Variants in AFM observed in about 807,000 individuals in gnomAD.
AFM encodes afamin.
Under a neutral mutation model 68.7 loss-of-function variants are expected in AFM, and 82 were observed. That is an observed-to-expected ratio of 1.19 (90% CI 1.00 to 1.43). The LOEUF (loss-of-function observed/expected upper bound fraction) is 1.43. Ranked by LOEUF, AFM falls within the 40% of genes most tolerant of loss-of-function variation. AFM has a pLI of 0.00. For missense variants in AFM, 772 were observed against 701.8 expected (o/e 1.10, Z -1.13); for synonymous variants, 250 against 234.2 (o/e 1.07, Z -0.61).
chr4:73,501,080 A>G (rs1466271867), intron 12 of AFM, among the ~76,000 whole-genome samples: 1 of 152,116 alleles, frequency 6.6e-6, no homozygotes, highest in Non-Finnish European at 1.5e-5. Flanking sequence ...TGTACTCTAA[A>G]ATGTACTTTT....
At chr4:73,500,352 C>T in intron 12 of AFM, 125 bp downstream of exon 12, 2 of 841,454 alleles carry the variant, frequency 2.4e-6, no homozygotes, top group Non-Finnish European at 3.6e-6. Flanking sequence ...ACCAAATTGT[C>T]CAGTCTCTTC....
chr4:73,482,767 C>A (rs1250540293), intron 1 of AFM, among the ~76,000 whole-genome samples: 2 of 152,136 alleles, frequency 1.3e-5, no homozygotes, highest in East Asian at 3.8e-4. Flanking sequence ...TCCCATCCAC[C>A]CTTCTTTTGC....
At chr4:73,488,526 G>T in intron 6 of AFM, 104 bp from the exon 7 acceptor site, 1 of 973,692 alleles carries the variant, frequency 1.0e-6, no homozygotes, top group Non-Finnish European at 1.5e-6. Flanking sequence ...AACAGCAATG[G>T]TGGCAATACT....
At position 73,495,338 on chromosome 4, in the gene AFM, C is replaced by T; in HGVS notation, c.1097C>T (p.Ser366Phe). 6.2e-7 allele frequency: 1 copy of T among 1,612,074 alleles called. No homozygotes were observed. ...TACTCAAGGAGACATCCAGACCTGT[C>T]TATACCAGAGCTTTTAAGAATTGTT... ...FEYSRRHPDLSIPELLRIVQI... is the reference protein window; with the variant it reads ...FEYSRRHPDLFIPELLRIVQI... Residue 366 changes from serine (S) to phenylalanine (F), a missense_variant, in exon 9 of 15, where the codon TCT becomes TTT. Ser to Phe is a radical substitution (Grantham distance 155). Coordinates refer to ENST00000226355, the MANE Select transcript of AFM (RefSeq NM_001133.2).
intron 1 of AFM, among the ~76,000 whole-genome samples, chr4:73,482,174 T>C (rs945370850): frequency 6.6e-6 from 1 of 152,234 alleles, no homozygotes; most frequent in African/African-American, 2.4e-5. Flanking sequence ...CATATATGTA[T>C]AGTTTATGGT....
intron 10 of AFM, 34 bp downstream of exon 10, chr4:73,497,783 C>A: frequency 1.5e-6 from 2 of 1,329,784 alleles, no homozygotes; most frequent in South Asian, 1.3e-5. Flanking sequence ...TAACACTTGC[C>A]ACTAGAATTG....
intron 4 of AFM, 92 bp downstream of exon 4, chr4:73,486,165 T>C (rs1720897707): frequency 9.5e-7 from 1 of 1,052,612 alleles, no homozygotes; most frequent in Non-Finnish European, 1.4e-6. Context: ...GCTGGGTTCA[T>C]TAATTTATTG....
intron 11 of AFM, 98 bp downstream of exon 11, chr4:73,499,344 C>A (rs1721355201): frequency 8.3e-7 from 1 of 1,210,010 alleles, no homozygotes; most frequent in African/African-American, 1.6e-5. Flanking sequence ...ATATTCCTTT[C>A]TTCACTGTTT....
At position 73,499,169 on chromosome 4, in the gene AFM, T is replaced by G. The variant is rs1721343897; in HGVS notation, c.1345T>G (p.Ser449Ala). 1 of 1,613,320 alleles carries G rather than the reference T, an allele frequency of 6.2e-7. No homozygotes were observed. The highest frequency in any genetic ancestry group is 1.1e-5 in the South Asian group (1 of 91,016). The change falls in exon 11 of 15, where the codon TCT becomes GCT. Residue 449 changes from serine to alanine, a missense_variant. Coordinates refer to ENST00000226355, the MANE Select transcript of AFM (RefSeq NM_001133.2). ...APQLSTEELV[S>A]LGEKMVTAFT... The stretch of plus-strand genomic sequence containing the variant: ...CCAACTCTCCACTGAAGAACTGGTG[T>G]CTCTTGGCGAGAAAATGGTGACAGC...
intron 9 of AFM, among the ~76,000 whole-genome samples, chr4:73,496,889 AT>A (rs892972445): frequency 1.1e-4 from 17 of 151,970 alleles, no homozygotes; most frequent in Non-Finnish European, 2.5e-4. Context: ...TTAGCAAAAC[AT>A]TTTTTTTCAC....
rs1292068159 is a variant in AFM at position 73,490,084 on chromosome 4, T to G, written c.843+1325T>G. Reference sequence around the variant, plus strand: ...ACCTGTAATTGCAGCTACTCAGGACTCAGGAAGCTAAGGAGGGAGGCTTGC... The same window carrying G: ...ACCTGTAATTGCAGCTACTCAGGACGCAGGAAGCTAAGGAGGGAGGCTTGC... On this transcript the variant is annotated intron_variant, in intron 7 of 14. Coordinates refer to ENST00000226355, the MANE Select transcript of AFM (RefSeq NM_001133.2). Among the ~76,000 whole-genome samples, 5 of 151,558 alleles carry G rather than the reference T, an allele frequency of 3.3e-5. No homozygotes were observed. The East Asian group carries it at 9.7e-4, about 29-fold the overall frequency.
intron 3 of AFM, 86 bp downstream of exon 3, chr4:73,484,476 T>G: frequency 1.6e-6 from 1 of 615,900 alleles, no homozygotes; most frequent in Admixed American, 3.9e-5. Flanking sequence ...CTTTCTTTCT[T>G]TCTTTCTTTC....
intron 5 of AFM, among the ~76,000 whole-genome samples, 181 bp downstream of exon 5, chr4:73,487,280 T>C (rs146193180): frequency 1.1e-4 from 17 of 152,234 alleles, no homozygotes; most frequent in Non-Finnish European, 2.5e-4. Context: ...TACTTGAGAC[T>C]CTTGAATGAC....
chr4:73,485,489 A>G lies in AFM; in HGVS notation c.271-373A>G, dbSNP rs565433102. ...GGATCACTTGAGCCCAGGAGTTCGA[A>G]TCTAGCCTGCACAACATATCAAGAT... On this transcript the variant is annotated intron_variant, in intron 3 of 14. Transcript: ENST00000226355. 1.2e-4 allele frequency among the ~76,000 whole-genome samples: 19 copies of G among 152,112 alleles called. No individual in the cohort carries two copies. In the South Asian group the frequency reaches 2.7e-3, roughly 22 times the overall value.
At chr4:73,498,867 G>A (rs112073777) in intron 10 of AFM, among the ~76,000 whole-genome samples, 49 of 152,174 alleles carry the variant, frequency 3.2e-4, no homozygotes, top group African/African-American at 1.1e-3. Context: ...AAGATAACAC[G>A]GGGAGGCAAA....
chr4:73,491,861 A>T lies in AFM; in HGVS notation c.844-11A>T. The T allele has an allele frequency of 6.2e-7, 1 of 1,605,322 alleles. No individual in the cohort carries two copies. On this transcript the variant is annotated splice_polypyrimidine_tract_variant and intron_variant, in intron 7 of 14. Transcript: ENST00000226355. ...GAAAGTAAAATAATCTCTCATTCTT[A>T]TTTGGTACAGAGCAAGGTTATGAAC...
chr4:73,484,336 A>G lies in AFM; in HGVS notation c.216A>G (p.Glu72=). 8.1e-6 allele frequency: 13 copies of G among 1,613,208 alleles called. No homozygotes were observed. Among genetic ancestry groups the G allele is most frequent in the Non-Finnish European group, 1.1e-5 (13 of 1,179,672 alleles). The change falls in exon 3 of 15, where the codon GAA becomes GAG. Residue 72 remains glutamate (E), a synonymous_variant. Transcript: ENST00000226355. ...AAAAGCTGGTGAAAGACATGGTAGA[A>G]TACAAAGACAGATGTATGGCTGACA... The part of the protein sequence containing the change: ...EMEKLVKDMV[E]YKDRCMADKT...
At chr4:73,485,805 T>C in intron 3 of AFM, 57 bp from the exon 4 acceptor site, 1 of 1,399,502 alleles carries the variant, frequency 7.1e-7, no homozygotes, top group Non-Finnish European at 1.0e-6. Context: ...TCTCAGTGAG[T>C]ACAGAAGCTT....
chr4:73,484,493 T>TCTTCCTTC (rs1720826264), intron 3 of AFM, 103 bp downstream of exon 3: 5 of 825,150 alleles, frequency 6.1e-6, no homozygotes, highest in Non-Finnish European at 8.7e-6. Flanking sequence ...TTTCTTTCTT[T>TCTTCCTTC]CTTTCTTTCT....
Sources: allele counts gnomAD v4.1 joint callset (sites outside exome capture counted in the v4.1 genomes callset), GRCh38; gene constraint gnomAD v4.1.1; transcripts MANE v1.5; gene names NCBI Gene and HGNC (gene_info 2026-07-23, HGNC 2026-07-21).